Variants in ZPBP observed in about 807,000 individuals in gnomAD.
ZPBP encodes zona pellucida-binding protein 1.
Under a neutral mutation model 44.8 loss-of-function variants are expected in ZPBP, and 26 were observed. The observed-to-expected ratio is 0.58, with a 90% CI of 0.43 to 0.81. The LOEUF (loss-of-function observed/expected upper bound fraction) is 0.81. ZPBP is among the 30% of genes least tolerant of loss of function. The pLI is 0.00. For missense variants in ZPBP, 409 were observed against 434.0 expected, an observed-to-expected ratio of 0.94 and a Z score of 0.51; for synonymous variants, 174 against 153.2, an observed-to-expected ratio of 1.14 and a Z score of -1.00.
intron 6 of ZPBP, among the ~76,000 whole-genome samples, chr7:50,009,383 A>G (rs1044989958): frequency 6.6e-6 from 1 of 150,964 alleles, no homozygotes; most frequent in Non-Finnish European, 1.5e-5. Context: ...CCACAAGTTC[A>G]CCTTCTTGCT....
intron 2 of ZPBP, among the ~76,000 whole-genome samples, chr7:49,851,877 C>T (rs1232891847): frequency 1.3e-5 from 2 of 151,610 alleles, no homozygotes; most frequent in Non-Finnish European, 1.5e-5. Flanking sequence ...AAGTCCACTA[C>T]AAAATGGCCA....
intron 2 of ZPBP, among the ~76,000 whole-genome samples, chr7:49,872,156 T>C (rs1260747240): frequency 6.6e-6 from 1 of 151,958 alleles, no homozygotes; most frequent in Non-Finnish European, 1.5e-5. Flanking sequence ...CAGTGAAAAA[T>C]ATTTGATCAT....
intron 2 of ZPBP, among the ~76,000 whole-genome samples, chr7:49,898,028 A>G (rs1792476151): frequency 6.6e-6 from 1 of 152,160 alleles, no homozygotes. Flanking sequence ...GTTTTATCAG[A>G]GCCTAACTGA....
At chr7:49,867,258 C>T (rs1420523920) in intron 2 of ZPBP, among the ~76,000 whole-genome samples, 1 of 152,154 alleles carries the variant, frequency 6.6e-6, no homozygotes, top group African/African-American at 2.4e-5. Context: ...ATTGACCAAA[C>T]TATCACTAAA....
At chr7:50,006,586 C>G (rs1291015971) in intron 6 of ZPBP, among the ~76,000 whole-genome samples, 1 of 151,954 alleles carries the variant, frequency 6.6e-6, no homozygotes, top group Non-Finnish European at 1.5e-5. Flanking sequence ...AAACTTATAG[C>G]TATAAATGCT....
chr7:49,926,291 A>G (rs2128748828), intron 1 of ZPBP, among the ~76,000 whole-genome samples: 1 of 152,328 alleles, frequency 6.6e-6, no homozygotes, highest in South Asian at 2.1e-4. Context: ...TTAACTTCAT[A>G]TAATTTATCA....
intron 2 of ZPBP, among the ~76,000 whole-genome samples, chr7:49,888,401 A>G (rs1791988142): frequency 6.6e-6 from 1 of 152,264 alleles, no homozygotes; most frequent in Non-Finnish European, 1.5e-5. Context: ...GGTATGGTAT[A>G]GAGCTACAAA....
intron 7 of ZPBP, among the ~76,000 whole-genome samples, chr7:49,949,416 T>C (rs59312862): frequency 0.014 from 2,193 of 152,140 alleles, 61 homozygotes; most frequent in African/African-American, 0.05. Context: ...AAAAACAAAA[T>C]GTGTGTATAG....
intron 1 of ZPBP, chr7:49,921,692 A>C (rs902836774): frequency 6.6e-6 from 1 of 152,254 alleles, no homozygotes; most frequent in African/African-American, 2.4e-5. Flanking sequence ...TGAGACTTGA[A>C]CATTTTGAAG....
chr7:49,877,481 A>AAAAAAAAATATACATAT, intron 2 of ZPBP, among the ~76,000 whole-genome samples: 5 of 12,728 alleles, frequency 3.9e-4, no homozygotes, highest in African/African-American at 5.5e-4. Context: ...AAAAAAAAAA[A>AAAAAAAAATATACATAT]ATATATATAT....
chr7:49,870,317 G>A (rs1290067056), intron 2 of ZPBP, among the ~76,000 whole-genome samples: 4 of 152,066 alleles, frequency 2.6e-5, no homozygotes, highest in South Asian at 2.1e-4. Context: ...GGAGAATGGC[G>A]TGAACCCAGG....
At chr7:49,857,496 G>C (rs144218576) in intron 2 of ZPBP, among the ~76,000 whole-genome samples, 1 of 152,212 alleles carries the variant, frequency 6.6e-6, no homozygotes, top group South Asian at 2.1e-4. Context: ...TAACATGGGA[G>C]TGTAGATATC....
At chr7:49,863,827 T>C (rs1385126603) in intron 2 of ZPBP, among the ~76,000 whole-genome samples, 6 of 152,234 alleles carry the variant, frequency 3.9e-5, no homozygotes, top group Admixed American at 3.9e-4. Context: ...TTTTACTCAT[T>C]CTTTTAGGTG....
intron 7 of ZPBP, among the ~76,000 whole-genome samples, chr7:49,948,962 C>G (rs888484141): frequency 6.6e-6 from 1 of 152,058 alleles, no homozygotes. Context: ...TATATTAAAG[C>G]CCTAATCTCC....
chr7:50,017,536 G>A (rs533759708), intron 6 of ZPBP, among the ~76,000 whole-genome samples: 1 of 152,238 alleles, frequency 6.6e-6, no homozygotes, highest in African/African-American at 2.4e-5. Flanking sequence ...GAGGCTTACT[G>A]AGTACAAATT....
At chr7:50,009,234 C>A (rs77419747) in intron 6 of ZPBP, among the ~76,000 whole-genome samples, 898 of 124,938 alleles carry the variant, frequency 7.2e-3, no homozygotes, top group Middle Eastern at 0.012. Context: ...GACTCTGTCT[C>A]AAAAAAAAAA....
At chr7:49,877,032 C>A (rs777094693) in intron 2 of ZPBP, among the ~76,000 whole-genome samples, 7 of 152,068 alleles carry the variant, frequency 4.6e-5, no homozygotes, top group African/African-American at 1.7e-4. Context: ...TCTACTTGAC[C>A]GTCAGTCTCC....
chr7:49,998,234 C>T (rs1442759626), intron 6 of ZPBP, among the ~76,000 whole-genome samples: 1 of 152,124 alleles, frequency 6.6e-6, no homozygotes, highest in African/African-American at 2.4e-5. Context: ...CTTATTTTAA[C>T]AGTAGATACC....
chr7:49,918,663 T>C (rs1440036345), intron 1 of ZPBP: 5 of 152,236 alleles, frequency 3.3e-5, no homozygotes, highest in Non-Finnish European at 7.3e-5. Context: ...TAGGTGATGA[T>C]TATAGGGCAA....
Sources: gnomAD v4.1 joint callset for allele counts (sites outside exome capture counted in the v4.1 genomes callset) on GRCh38, gnomAD v4.1.1 for gene constraint, MANE v1.5 for transcripts, NCBI Gene and HGNC (gene_info 2026-07-23, HGNC 2026-07-21) for gene names.